The following SLC8B1 variants were observed in gnomAD, a reference collection of about 807,000 sequenced individuals.
SLC8B1 encodes the protein solute carrier family 8 member B1.
SLC8B1 carries 52 observed loss-of-function variants against 63.4 expected under a neutral mutation model. The observed-to-expected ratio is 0.82, with a 90% CI of 0.66 to 1.03. SLC8B1 has a LOEUF of 1.03. SLC8B1 is among the 50% of genes least tolerant of loss of function. SLC8B1 has a pLI of 0.00. For missense variants in SLC8B1, 657 were observed against 741.7 expected (o/e 0.89, Z 1.33); for synonymous variants, 336 against 323.9 (o/e 1.04, Z -0.40).
intron 2 of SLC8B1, among the ~76,000 whole-genome samples, chr12:113,322,587 G>A (rs1479486933): frequency 6.6e-6 from 1 of 152,174 alleles, no homozygotes; most frequent in Non-Finnish European, 1.5e-5. Context: ...TCCAGAAGCT[G>A]ACTCAGAGAC....
At chr12:113,329,309 GA>G (rs1957031257) in intron 2 of SLC8B1, among the ~76,000 whole-genome samples, 1 of 152,128 alleles carries the variant, frequency 6.6e-6, no homozygotes, top group Non-Finnish European at 1.5e-5. Context: ...AGCTCCGCCT[GA>G]AAGTTACTCG....
rs540990284 is a variant in SLC8B1 at position 113,307,757 on chromosome 12, C to T, written c.1345G>A (p.Val449Met). Reference sequence around the variant, plus strand: ...ACAGTGTTGCTCAGCCGGAAGACCACACCCAGGGACCGCAAGATGTTCACC... The same window carrying T: ...ACAGTGTTGCTCAGCCGGAAGACCATACCCAGGGACCGCAAGATGTTCACC... ...EVVNILRSLG[V>M]VFRLSNTVLG... is the part of the protein sequence containing the mutation. The change falls in exon 13 of 16, where the codon GTG (valine) becomes ATG (methionine). Residue 449 changes from valine (V) to methionine (M), a missense_variant. Val to Met is a conservative substitution (Grantham distance 21). Transcript: ENST00000680972. 5 of 1,614,056 alleles carry T rather than the reference C, an allele frequency of 3.1e-6. No individual in the cohort carries two copies. Among genetic ancestry groups the T allele is most frequent in the East Asian group, 2.2e-5 (1 of 44,886 alleles).
Position 113,332,807 on chromosome 12 carries a change from C to T in SLC8B1, c.72G>A (p.Val24=), listed in dbSNP as rs1474103401. The part of the protein sequence containing the change: ...VLCVLLMAET[V]SGTRGSSTGA... ...CTGTAGACGAGCCCCTAGTCCCAGA[C>T]ACTGTCTCCGCCATTAGCAGCACAC... Residue 24 remains valine, a synonymous_variant, in exon 2 of 16, where the codon GTG becomes GTA. Coordinates refer to ENST00000680972, the MANE Select transcript of SLC8B1 (RefSeq NM_001358345.2). The T allele has an allele frequency of 1.2e-6, 2 of 1,614,240 alleles. No homozygotes were observed. Among genetic ancestry groups the T allele is most frequent in the Non-Finnish European group, 1.7e-6 (2 of 1,180,040 alleles).
intron 2 of SLC8B1, 94 bp downstream of exon 2, chr12:113,332,629 G>A: frequency 7.1e-7 from 1 of 1,413,520 alleles, no homozygotes; most frequent in Non-Finnish European, 9.4e-7. Flanking sequence ...CCAGGCTGCG[G>A]TCAGTGCCTG....
intron 11 of SLC8B1, among the ~76,000 whole-genome samples, chr12:113,314,324 T>G (rs1335625969): frequency 1.3e-5 from 2 of 152,236 alleles, no homozygotes; most frequent in African/African-American, 2.4e-5. Context: ...ATCCCGACAC[T>G]GTTACAGCAC....
At position 113,316,926 on chromosome 12, in the gene SLC8B1, C is replaced by T. The variant is rs1956843361; in HGVS notation, c.862+16G>A. 1.2e-6 allele frequency: 2 copies of T among 1,612,612 alleles called. No homozygotes were observed. The highest frequency in any genetic ancestry group is 8.5e-7 in the Non-Finnish European group (1 of 1,179,412). Reference sequence around the variant, plus strand: ...CTGTTACCGCCACCCTGGCTGGGCACAGGGCACGGACTCACCGTAGTCATA... The same window carrying T: ...CTGTTACCGCCACCCTGGCTGGGCATAGGGCACGGACTCACCGTAGTCATA... On this transcript the variant is annotated intron_variant, in intron 9 of 15. Transcript: ENST00000680972.
chr12:113,312,114 G>C (rs540134153), intron 11 of SLC8B1, among the ~76,000 whole-genome samples: 1 of 151,936 alleles, frequency 6.6e-6, no homozygotes, highest in African/African-American at 2.4e-5. Flanking sequence ...CACAGAAAAG[G>C]CTGTAGGAGG....
chr12:113,320,989 G>A lies in SLC8B1; in HGVS notation c.362+67C>T, dbSNP rs559172506. The A allele has an allele frequency of 4.0e-5, 64 of 1,591,390 alleles. No individual in the cohort carries two copies. The highest frequency in any genetic ancestry group is 3.4e-4 in the Middle Eastern group (2 of 5,966). On this transcript the variant is annotated intron_variant, in intron 4 of 15. Coordinates refer to ENST00000680972, the MANE Select transcript of SLC8B1 (RefSeq NM_001358345.2). This position sits in a 1 kb window ranked among gnomAD's most constrained non-coding sequence, Gnocchi z 5.3. ...TCCTTCCCCCAAACTGAGGGTGACC[G>A]AATGTCAGCCTCCTGGGACCCCTCC...
At chr12:113,300,287 G>T (rs1409742809) in intron 15 of SLC8B1, among the ~76,000 whole-genome samples, 1 of 152,114 alleles carries the variant, frequency 6.6e-6, no homozygotes, top group Admixed American at 6.5e-5. Flanking sequence ...ACCTGTATTG[G>T]CCAGGAGTTC....
At chr12:113,326,220 G>C (rs1338391925) in intron 2 of SLC8B1, among the ~76,000 whole-genome samples, 2 of 152,162 alleles carry the variant, frequency 1.3e-5, no homozygotes, top group African/African-American at 4.8e-5. Context: ...CTGGGGCACA[G>C]CCACACCCAT....
chr12:113,315,512 G>A (rs1358580204), intron 10 of SLC8B1, 36 bp from the exon 11 acceptor site: 1 of 1,520,936 alleles, frequency 6.6e-7, no homozygotes, highest in South Asian at 1.3e-5. Flanking sequence ...GTGTCGGCAG[G>A]GAAGTCTGAA....
intron 2 of SLC8B1, among the ~76,000 whole-genome samples, chr12:113,332,221 A>G (rs759175074): frequency 6.6e-6 from 1 of 152,132 alleles, no homozygotes; most frequent in Non-Finnish European, 1.5e-5. Context: ...CACTTTAGCT[A>G]TTGTGTGCGG....
intron 7 of SLC8B1, 82 bp from the exon 8 acceptor site, chr12:113,319,153 G>A (rs1185692779): frequency 3.7e-6 from 4 of 1,092,842 alleles, no homozygotes; most frequent in Non-Finnish European, 5.6e-6. Flanking sequence ...TATCAGTGGT[G>A]CGTGTTAGCG....
chr12:113,301,525 G>A (rs1427681124), intron 15 of SLC8B1, among the ~76,000 whole-genome samples: 2 of 151,998 alleles, frequency 1.3e-5, no homozygotes, highest in Non-Finnish European at 2.9e-5. Context: ...TTTTAGTAGA[G>A]ATGGAGTTTC....
At chr12:113,322,684 C>T (rs747855301) in intron 2 of SLC8B1, among the ~76,000 whole-genome samples, 13 of 152,018 alleles carry the variant, frequency 8.6e-5, no homozygotes, top group East Asian at 1.9e-4. Flanking sequence ...TGGTGGCTCA[C>T]GCCTGTAACT....
In SLC8B1 at chr12:113,316,960, T is replaced by G; in HGVS notation, c.844A>C (p.Thr282Pro). 1 of 1,613,568 alleles carries G rather than the reference T, an allele frequency of 6.2e-7. No homozygotes were observed. The change falls in exon 9 of 16, where the codon ACC becomes CCC. Residue 282 changes from threonine (T) to proline (P), a missense_variant. By Grantham distance (38) the Thr-to-Pro change is conservative. Coordinates refer to ENST00000680972, the MANE Select transcript of SLC8B1 (RefSeq NM_001358345.2). Reference protein sequence around the residue: ...DSEEDRVSSNTNSYDYGDEYR... With the variant: ...DSEEDRVSSNPNSYDYGDEYR... ...GACTCACCGTAGTCATAGCTGTTGG[T>G]ATTAGAAGATACCCGGTCCTCCTCG...
chr12:113,322,613 C>T (rs1956945636), intron 2 of SLC8B1, among the ~76,000 whole-genome samples: 1 of 152,050 alleles, frequency 6.6e-6, no homozygotes, highest in South Asian at 2.1e-4. Context: ...TTGAGATGGA[C>T]ATAGTATGTT....
Position 113,320,635 on chromosome 12 carries a change from G to A in SLC8B1, c.472C>T (p.Leu158=), listed in dbSNP as rs1462427436. 6.2e-7 allele frequency: 1 copy of A among 1,613,970 alleles called. No individual in the cohort carries two copies. The highest frequency in any genetic ancestry group is 1.3e-5 in the African/African-American group (1 of 74,944). Reference sequence around the variant, plus strand: ...GTGTGCGGGTCAGAGAAGGCCACCAGGGCACTGAAGATGTCAGGTGCACCA... The same window carrying A: ...GTGTGCGGGTCAGAGAAGGCCACCAAGGCACTGAAGATGTCAGGTGCACCA... ...GNGAPDIFSA[L]VAFSDPHTAG... Residue 158 remains leucine, a synonymous_variant, in exon 6 of 16, where the codon CTG becomes TTG. Transcript: ENST00000680972. The surrounding 1 kb of genome is among the most constrained non-coding windows in gnomAD (Gnocchi z 5.3).
rs745914898 is a variant in SLC8B1 at position 113,320,394 on chromosome 12, C to T, written c.631G>A (p.Val211Met). The change falls in exon 7 of 16, where the codon GTG (valine) becomes ATG (methionine). Residue 211 changes from valine to methionine, a missense_variant. Val to Met is a conservative substitution (Grantham distance 21, BLOSUM62 1). Transcript: ENST00000680972. This position sits in a 1 kb window ranked among gnomAD's most constrained non-coding sequence, Gnocchi z 5.3. The stretch of plus-strand genomic sequence containing the variant: ...ATGAGGAAGGTCAGGAACACAGCCA[C>T]CATGTAGAAAACGATGTCCCTGAAG... Reference protein sequence around the residue: ...PFFRDIVFYMVAVFLTFLMLF... With the variant: ...PFFRDIVFYMMAVFLTFLMLF... 9 of 1,614,186 alleles carry T rather than the reference C, an allele frequency of 5.6e-6. No homozygotes were observed. In the Admixed American group the frequency reaches 1.5e-4, roughly 27 times the overall value.
Sources: gnomAD v4.1 joint callset for allele counts (sites outside exome capture counted in the v4.1 genomes callset) on GRCh38, gnomAD v4.1.1 for gene constraint, Gnocchi (gnomAD v3.1) non-coding constraint, MANE v1.5 for transcripts, NCBI Gene and HGNC (gene_info 2026-07-23, HGNC 2026-07-21) for gene names.